DMD: variants seen among roughly 807,000 people sequenced by gnomAD.
DMD encodes dystrophin, also known as mutant dystrophin.
DMD carries 63 observed loss-of-function variants against 330.1 expected under a neutral mutation model. The ratio of observed to expected loss-of-function variants is 0.19; its 90% CI spans 0.16 to 0.24. The LOEUF (loss-of-function observed/expected upper bound fraction) is 0.24, where lower values mean the gene tolerates loss of function less well. Ranked by LOEUF, DMD falls within the 10% of genes least tolerant of loss-of-function variation. The pLI, the probability that DMD is intolerant of heterozygous loss-of-function variation, is 1.00. For missense variants in DMD, 3,344 were observed against 2,684.1 expected, an observed-to-expected ratio of 1.25 and a Z score of -5.43; for synonymous variants, 1,223 against 959.8, an observed-to-expected ratio of 1.27 and a Z score of -5.07.
At chrX:31,758,666 T>C (rs947779936) in intron 51 of DMD, among the ~76,000 whole-genome samples, 1 of 111,432 alleles carries the variant, frequency 9.0e-6, no homozygotes, top group East Asian at 2.8e-4. Flanking sequence ...GCCATCATGA[T>C]TAATTGGTTT....
Position 31,159,871 on chromosome X carries a change from A to G in DMD, c.10553+9572T>C, listed in dbSNP as rs761228004. On this transcript the variant is annotated intron_variant, in intron 74 of 78. Transcript: ENST00000357033. ...CAGCCTTCCTCAAGTAGCATTACACAGGACCATATAGTAGCTACACATCTT... is the reference window on the plus strand; with the variant it reads ...CAGCCTTCCTCAAGTAGCATTACACGGGACCATATAGTAGCTACACATCTT... Among the ~76,000 whole-genome samples, 3 of 112,500 alleles carry G rather than the reference A, an allele frequency of 2.7e-5. No homozygotes were observed. In the South Asian group the frequency reaches 1.1e-3, roughly 42 times the overall value.
chrX:32,486,397 T>C (rs2042469323), intron 20 of DMD, among the ~76,000 whole-genome samples: 1 of 112,076 alleles, frequency 8.9e-6, no homozygotes, highest in Non-Finnish European at 1.9e-5. Context: ...CCTTTCCTAA[T>C]ATAGTTTCTA....
At chrX:31,267,278 G>A (rs369341324) in intron 62 of DMD, among the ~76,000 whole-genome samples, 1 of 111,504 alleles carries the variant, frequency 9.0e-6, no homozygotes, top group East Asian at 2.8e-4. Context: ...AATTAAGAGT[G>A]TGGGCTTGGA....
intron 52 of DMD, among the ~76,000 whole-genome samples, chrX:31,693,691 T>C (rs751408068): frequency 9.0e-6 from 1 of 111,413 alleles, no homozygotes; most frequent in Admixed American, 9.6e-5. Context: ...TATAATAGCA[T>C]GAAAAAATAT....
intron 2 of DMD, among the ~76,000 whole-genome samples, chrX:32,872,062 C>T (rs184865913): frequency 5.4e-5 from 6 of 111,266 alleles, no homozygotes; most frequent in East Asian, 2.8e-4. Flanking sequence ...TCCCAGTCAT[C>T]GTTGGTGGTG....
intron 44 of DMD, among the ~76,000 whole-genome samples, chrX:32,031,350 T>A (rs1409541681): frequency 9.0e-6 from 1 of 111,302 alleles, no homozygotes. Flanking sequence ...CCACAGTAGG[T>A]CATGAGGTCA....
chrX:32,667,029 C>A (rs1332300411), intron 9 of DMD, among the ~76,000 whole-genome samples: 1 of 106,410 alleles, frequency 9.4e-6, no homozygotes, highest in Admixed American at 1.0e-4. Flanking sequence ...GTTTAAGTAT[C>A]CATGGATAAA....
At chrX:32,554,875 A>G (rs185869116) in intron 16 of DMD, among the ~76,000 whole-genome samples, 1 of 58,347 alleles carries the variant, frequency 1.7e-5, no homozygotes, top group Non-Finnish European at 3.4e-5. Flanking sequence ...AGAGAGAAGG[A>G]AAGAAGAAAG....
chrX:31,790,727 A>G (rs2091528313), intron 50 of DMD, among the ~76,000 whole-genome samples: 1 of 111,146 alleles, frequency 9.0e-6, no homozygotes, highest in Non-Finnish European at 1.9e-5. Flanking sequence ...AGCCAACAAG[A>G]GATCAAATGA....
chrX:33,115,642 G>A (rs1000999409), intron 1 of DMD, among the ~76,000 whole-genome samples: 4 of 107,947 alleles, frequency 3.7e-5, no homozygotes, highest in Non-Finnish European at 7.7e-5. Context: ...CTCCTGAGTA[G>A]CTGGGACTAC....
Position 32,390,064 on chromosome X carries a change from CAT to C in DMD, c.4344+5_4344+6del. The C allele has an allele frequency of 6.7e-6, 8 of 1,187,386 alleles. No individual in the cohort carries two copies. Among genetic ancestry groups the C allele is most frequent in the Non-Finnish European group, 9.2e-6 (8 of 873,623 alleles). Reference sequence around the variant, plus strand: ...ACACGTTCCTTAGTTTCTGAAATAACATATACCTGTGCAACATCAATCTGAGA... The same window carrying C: ...ACACGTTCCTTAGTTTCTGAAATAACATACCTGTGCAACATCAATCTGAGA... On this transcript the variant is annotated splice_donor_5th_base_variant and intron_variant, in intron 31 of 78. Coordinates refer to ENST00000357033, the MANE Select transcript of DMD (RefSeq NM_004006.3).
intron 61 of DMD, among the ~76,000 whole-genome samples, chrX:31,341,325 T>C (rs1206822380): frequency 1.8e-5 from 2 of 112,002 alleles, no homozygotes; most frequent in Admixed American, 1.9e-4. Flanking sequence ...ATTTCAGAAC[T>C]GTTGAAACGT....
At chrX:31,245,114 T>C (rs766809262) in intron 63 of DMD, among the ~76,000 whole-genome samples, 1 of 112,048 alleles carries the variant, frequency 8.9e-6, no homozygotes, top group Non-Finnish European at 1.9e-5. Context: ...TAATTATTCC[T>C]TTTAGGGCAA....
At chrX:31,267,016 T>C in intron 62 of DMD, 1 of 619,049 alleles carries the variant, frequency 1.6e-6, no homozygotes, top group East Asian at 4.3e-5. Flanking sequence ...CGGGGCCGTG[T>C]CGGGCTCCGC....
At chrX:32,605,572 A>G (rs1033360210) in intron 12 of DMD, among the ~76,000 whole-genome samples, 7 of 101,632 alleles carry the variant, frequency 6.9e-5, no homozygotes, top group Non-Finnish European at 1.0e-4. Context: ...AACAGCAAAA[A>G]CAAACAAACA....
At chrX:33,247,279 A>T (rs1458957195) in intron 1 of DMD, among the ~76,000 whole-genome samples, 1 of 111,689 alleles carries the variant, frequency 9.0e-6, no homozygotes. Flanking sequence ...TTACAATGTA[A>T]CAGATAACCT....
chrX:31,795,317 A>G (rs1336132976), intron 50 of DMD, among the ~76,000 whole-genome samples: 10 of 112,521 alleles, frequency 8.9e-5, no homozygotes. Context: ...TACCTAATAC[A>G]TATACTAATG....
In DMD at chrX:33,009,319, T is replaced by G. The variant is rs751341264; in HGVS notation, c.93+10820A>C. ...ATGTGTATATACACATGTGTGTATA[T>G]GTGTATATGTGTATATACACGTGTA... On this transcript the variant is annotated intron_variant, in intron 2 of 78. Coordinates refer to ENST00000357033, the MANE Select transcript of DMD (RefSeq NM_004006.3). Among the ~76,000 whole-genome samples, 19 of 61,585 alleles carry G rather than the reference T, an allele frequency of 3.1e-4. 5 individuals carry two copies. Among genetic ancestry groups the G allele is most frequent in the Non-Finnish European group, 5.7e-4 (18 of 31,652 alleles). 53.5% of individuals were successfully genotyped at this position (61,585 alleles called of 115,157 possible).
chrX:32,859,028 A>C (rs1187748080), intron 2 of DMD, among the ~76,000 whole-genome samples: 1 of 110,981 alleles, frequency 9.0e-6, no homozygotes, highest in African/African-American at 3.3e-5. Context: ...ACTCCAGAGC[A>C]CTCCCGTGAG....
Sources: allele counts gnomAD v4.1 joint callset (sites outside exome capture counted in the v4.1 genomes callset), GRCh38; gene constraint gnomAD v4.1.1; transcripts MANE v1.5; gene names NCBI Gene and HGNC (gene_info 2026-07-23, HGNC 2026-07-21).